The following OSBPL8 variants were observed in gnomAD, a reference collection of about 807,000 sequenced individuals.
OSBPL8 encodes the protein oxysterol binding protein like 8.
A neutral mutation model predicts 125.5 loss-of-function variants in OSBPL8; 59 were observed. That is an observed-to-expected ratio of 0.47 (90% confidence interval 0.38 to 0.58). OSBPL8 has a LOEUF of 0.58. Ranked by LOEUF, OSBPL8 falls within the 20% of genes least tolerant of loss-of-function variation. The pLI is 0.00. For synonymous variants in OSBPL8, 330 were observed against 338.9 expected (o/e 0.97, Z 0.29); for missense variants, 758 against 1,047.8 (o/e 0.72, Z 3.82).
chr12:76,457,174 C>T (rs544002521), intron 3 of OSBPL8, among the ~76,000 whole-genome samples: 4 of 152,264 alleles, frequency 2.6e-5, no homozygotes, highest in Middle Eastern at 3.4e-3. Context: ...AGCAGATATT[C>T]GCAACACCTG....
chr12:76,411,721 A>G (rs1954521585), intron 4 of OSBPL8, among the ~76,000 whole-genome samples: 1 of 152,168 alleles, frequency 6.6e-6, no homozygotes, highest in Non-Finnish European at 1.5e-5. Flanking sequence ...TGTAAAAAAA[A>G]TGAAACTTTC....
chr12:76,519,526 T>C (rs1342429411), intron 1 of OSBPL8, among the ~76,000 whole-genome samples: 1 of 152,232 alleles, frequency 6.6e-6, no homozygotes, highest in Middle Eastern at 3.2e-3. Flanking sequence ...TTCAGGTATC[T>C]TTACAGCAAC....
At chr12:76,443,942 T>C (rs1305795901) in intron 4 of OSBPL8, among the ~76,000 whole-genome samples, 1 of 152,154 alleles carries the variant, frequency 6.6e-6, no homozygotes, top group Non-Finnish European at 1.5e-5. Flanking sequence ...TACTAAGCCT[T>C]TGAATAAGGA....
chr12:76,392,649 T>C lies in OSBPL8; in HGVS notation c.861A>G (p.Ser287=), dbSNP rs543506973. The part of the protein sequence containing the change: ...EGKEHDLSVS[S]DSTHVTFYGL... ...CATAGAAAGTCACATGTGTGCTATC[T>C]GATGAAACGCTCAGGTCATGTTCCT... is the stretch of plus-strand genomic sequence containing the variant. Residue 287 remains serine, a synonymous_variant, in exon 10 of 24, where the codon TCA becomes TCG. Coordinates refer to ENST00000261183, the MANE Select transcript of OSBPL8 (RefSeq NM_020841.5). The C allele has an allele frequency of 9.3e-6, 15 of 1,614,002 alleles. No individual in the cohort carries two copies. The highest frequency in any genetic ancestry group is 1.1e-5 in the Non-Finnish European group (13 of 1,179,956).
chr12:76,553,390 A>AT (rs60935830), intron 1 of OSBPL8, among the ~76,000 whole-genome samples: 7,037 of 151,924 alleles, frequency 0.046, 590 homozygotes, highest in African/African-American at 0.16. Flanking sequence ...TAGGCCTGGC[A>AT]TGGCAGCTCA....
intron 4 of OSBPL8, 148 bp downstream of exon 4, chr12:76,450,703 T>A: frequency 1.4e-6 from 1 of 707,768 alleles, no homozygotes; most frequent in South Asian, 2.1e-5. Flanking sequence ...GTATTATAGA[T>A]GACCTAAACA....
intron 2 of OSBPL8, among the ~76,000 whole-genome samples, chr12:76,468,887 A>G (rs1875779754): frequency 1.3e-5 from 2 of 152,192 alleles, no homozygotes; most frequent in Non-Finnish European, 2.9e-5. Flanking sequence ...TAGCTATTGA[A>G]ATCTTGAAAT....
At chr12:76,512,354 CT>C (rs1407823623) in intron 1 of OSBPL8, among the ~76,000 whole-genome samples, 3 of 152,094 alleles carry the variant, frequency 2.0e-5, no homozygotes, top group Non-Finnish European at 2.9e-5. Flanking sequence ...TGTACATTTT[CT>C]TTTTTCAGTC....
At chr12:76,546,891 A>G (rs1458370850) in intron 1 of OSBPL8, among the ~76,000 whole-genome samples, 1 of 152,228 alleles carries the variant, frequency 6.6e-6, no homozygotes, top group Non-Finnish European at 1.5e-5. Flanking sequence ...AATTTAAAAA[A>G]AATGTAAAGG....
intron 5 of OSBPL8, among the ~76,000 whole-genome samples, chr12:76,404,246 C>T (rs1954164218): frequency 6.6e-6 from 1 of 152,142 alleles, no homozygotes; most frequent in South Asian, 2.1e-4. Flanking sequence ...CACAAAATGG[C>T]ATGGCTATTG....
At chr12:76,512,883 A>C (rs1039431845) in intron 1 of OSBPL8, among the ~76,000 whole-genome samples, 4 of 152,092 alleles carry the variant, frequency 2.6e-5, no homozygotes, top group African/African-American at 9.7e-5. Flanking sequence ...TATAATTCTC[A>C]TTATACAGAT....
chr12:76,476,224 G>A (rs896514219), intron 2 of OSBPL8, among the ~76,000 whole-genome samples: 1 of 152,148 alleles, frequency 6.6e-6, no homozygotes, highest in Non-Finnish European at 1.5e-5. Context: ...ACCTTTCTAT[G>A]TAGGACAGTA....
Position 76,355,981 on chromosome 12 carries a change from G to A in OSBPL8, c.2578C>T (p.Pro860Ser), listed in dbSNP as rs1189807121. ...ALRNHLVSST[P>S]ATDYFLQQKD... Reference sequence around the variant, plus strand: ...TGTTGCAGAAAATAATCCGTGGCCGGTGTGCTTGAAACTAAATGATTTCGA... The same window carrying A: ...TGTTGCAGAAAATAATCCGTGGCCGATGTGCTTGAAACTAAATGATTTCGA... Residue 860 changes from proline to serine, a missense_variant, in exon 24 of 24, where the codon CCG becomes TCG. Pro to Ser is a moderately conservative substitution (Grantham distance 74). Transcript: ENST00000261183. 3.7e-6 allele frequency: 6 copies of A among 1,613,142 alleles called. No individual in the cohort carries two copies. In the South Asian group the frequency reaches 6.6e-5, roughly 18 times the overall value.
chr12:76,528,330 CAA>C (rs35479771), intron 1 of OSBPL8, among the ~76,000 whole-genome samples: 83 of 93,676 alleles, frequency 8.9e-4, no homozygotes, highest in Middle Eastern at 0.011. Flanking sequence ...GACTCCGTCT[CAA>C]AAAAAAAAAA....
At chr12:76,486,458 T>C (rs1296379579) in intron 2 of OSBPL8, among the ~76,000 whole-genome samples, 1 of 152,208 alleles carries the variant, frequency 6.6e-6, no homozygotes, top group Non-Finnish European at 1.5e-5. Flanking sequence ...AGGGGGCACC[T>C]TTACTTTAGG....
chr12:76,484,614 G>T (rs1397806129), intron 2 of OSBPL8, among the ~76,000 whole-genome samples: 1 of 152,122 alleles, frequency 6.6e-6, no homozygotes, highest in South Asian at 2.1e-4. Context: ...GAAACCTGGA[G>T]AATTTACTAC....
At position 76,402,208 on chromosome 12, in the gene OSBPL8, G is replaced by T. The variant is rs78799881; in HGVS notation, c.366+481C>A. On this transcript the variant is annotated intron_variant, in intron 6 of 23. Transcript: ENST00000261183. ...GTGTTTCTTAAGCTCCAGATTCTAT[G>T]GCCACTCAGGAAGGTAAGCCCAGTG... Among the ~76,000 whole-genome samples, 572 of 152,234 alleles carry T rather than the reference G, an allele frequency of 3.8e-3. 6 individuals carry two copies. Among genetic ancestry groups the T allele is most frequent in the African/African-American group, 0.013 (555 of 41,550 alleles).
At chr12:76,446,547 G>A (rs1275305150) in intron 4 of OSBPL8, among the ~76,000 whole-genome samples, 1 of 152,096 alleles carries the variant, frequency 6.6e-6, no homozygotes, top group Non-Finnish European at 1.5e-5. Context: ...CTTTAAATTA[G>A]AGGGTTATAT....
intron 15 of OSBPL8, among the ~76,000 whole-genome samples, chr12:76,382,810 G>A (rs1592568947): frequency 6.6e-6 from 1 of 152,286 alleles, no homozygotes; most frequent in South Asian, 2.1e-4. Context: ...TTGAACCCGG[G>A]AGGCAGAGGT....
Sources: allele counts gnomAD v4.1 joint callset (sites outside exome capture counted in the v4.1 genomes callset), GRCh38; gene constraint gnomAD v4.1.1; transcripts MANE v1.5; gene names NCBI Gene and HGNC (gene_info 2026-07-23, HGNC 2026-07-21).